SLC44A5: variants seen among roughly 807,000 people sequenced by gnomAD.
SLC44A5 encodes the protein solute carrier family 44 member 5, also known as choline transporter-like protein 5.
A neutral mutation model predicts 101.8 loss-of-function variants in SLC44A5; 57 were observed. The observed-to-expected ratio is 0.56, with a 90% CI of 0.45 to 0.70. The LOEUF is 0.70. Ranked by LOEUF, SLC44A5 falls within the 30% of genes least tolerant of loss-of-function variation. The pLI is 0.00. For synonymous variants in SLC44A5, 281 were observed against 290.9 expected, an observed-to-expected ratio of 0.97 and a Z score of 0.35; for missense variants, 737 against 853.1, an observed-to-expected ratio of 0.86 and a Z score of 1.70.
chr1:75,573,113 G>C (rs151121353), intron 1 of SLC44A5, among the ~76,000 whole-genome samples: 3 of 98,902 alleles, frequency 3.0e-5, no homozygotes, highest in Admixed American at 1.6e-4. Flanking sequence ...GAGCGACAGA[G>C]CAAGGCTCCA....
chr1:75,529,474 G>T (rs1053954672), intron 2 of SLC44A5, among the ~76,000 whole-genome samples: 5 of 152,108 alleles, frequency 3.3e-5, no homozygotes, highest in Admixed American at 6.5e-5. Flanking sequence ...AACCTTCCAG[G>T]TTCTACTCTA....
the SLC44A5 span, among the ~76,000 whole-genome samples, chr1:75,654,344 A>G: frequency 1.3e-5 from 2 of 152,348 alleles, no homozygotes; most frequent in African/African-American, 2.4e-5. Flanking sequence ...AAATTGTTCA[A>G]TGTTTCAGAA....
chr1:75,693,764 A>G, the SLC44A5 span, among the ~76,000 whole-genome samples: 14 of 152,170 alleles, frequency 9.2e-5, no homozygotes, highest in African/African-American at 3.4e-4. Context: ...AGGAAGTGGG[A>G]TATCCTGAAA....
intron 2 of SLC44A5, among the ~76,000 whole-genome samples, chr1:75,468,886 T>A (rs1441276814): frequency 1.3e-5 from 2 of 152,180 alleles, no homozygotes; most frequent in African/African-American, 4.8e-5. Context: ...CCATTTTACA[T>A]GATGTGATTA....
chr1:75,639,240 C>T, the SLC44A5 span, among the ~76,000 whole-genome samples: 1 of 152,050 alleles, frequency 6.6e-6, no homozygotes, highest in South Asian at 2.1e-4. Flanking sequence ...TGAGGTAATG[C>T]ATACGTTAAT....
chr1:75,280,045 T>C (rs938184387), intron 5 of SLC44A5, among the ~76,000 whole-genome samples: 3 of 148,266 alleles, frequency 2.0e-5, no homozygotes, highest in Non-Finnish European at 4.4e-5. Context: ...AATGATGGTC[T>C]CCAGTTCCAT....
rs115730511 is a variant in SLC44A5, at chr1:75,289,613, G to A, written c.175+10999C>T. On this transcript the variant is annotated intron_variant, in intron 5 of 23. Transcript: ENST00000370859. ...AATATATTAACTTCTGATGCCAATA[G>A]GCATGTGTTAAAGAAACACATACAT... Among the ~76,000 whole-genome samples the A allele has an allele frequency of 2.1e-3, 325 of 152,130 alleles. 1 individual carries two copies. The highest frequency in any genetic ancestry group is 7.4e-3 in the African/African-American group (307 of 41,460).
rs1328411956 is a variant in SLC44A5 at position 75,219,323 on chromosome 1, T to C, written c.1200A>G (p.Val400=). The C allele has an allele frequency of 6.2e-7, 1 of 1,612,854 alleles. No individual in the cohort carries two copies. The highest frequency in any genetic ancestry group is 8.5e-7 in the Non-Finnish European group (1 of 1,178,990). The change falls in exon 16 of 24, where the codon GTA becomes GTG. Residue 400 remains valine, a synonymous_variant. Coordinates refer to ENST00000370859, the MANE Select transcript of SLC44A5 (RefSeq NM_001130058.2). ...VTAVFLATSG[V]PVYKVIAPGG... is the part of the protein sequence containing the mutation. ...CTGGAGCTATGACTTTGTATACAGGTACCCCCGATGTCGCCAAGAAACTGA... is the reference window on the plus strand; with the variant it reads ...CTGGAGCTATGACTTTGTATACAGGCACCCCCGATGTCGCCAAGAAACTGA...
At chr1:75,409,680 A>T (rs931658953) in intron 2 of SLC44A5, among the ~76,000 whole-genome samples, 40 of 152,120 alleles carry the variant, frequency 2.6e-4, no homozygotes, top group African/African-American at 9.2e-4. Flanking sequence ...AAAATTATTG[A>T]TATTTCAGGA....
chr1:75,680,551 C>T, the SLC44A5 span, among the ~76,000 whole-genome samples: 1 of 151,308 alleles, frequency 6.6e-6, no homozygotes, highest in Non-Finnish European at 1.5e-5. Flanking sequence ...TAAAGATGTT[C>T]TTTGAAACCA....
intron 4 of SLC44A5, chr1:75,311,652 CGTT>C (rs1474858730): frequency 1.4e-6 from 1 of 726,562 alleles, no homozygotes; most frequent in Non-Finnish European, 1.7e-6. Flanking sequence ...TGCTATGAAA[CGTT>C]GGTGAACCAC....
At position 75,611,062 on chromosome 1, in the gene SLC44A5, A is replaced by G. The variant is rs1675635223; in HGVS notation, c.-92T>C. The G allele has an allele frequency of 1.0e-6, 1 of 985,354 alleles. No individual in the cohort carries two copies. The highest frequency in any genetic ancestry group is 1.2e-6 in the Non-Finnish European group (1 of 829,898). The allele number at this position is 985,354 out of a possible 1,614,324, so 61.0% of individuals were successfully genotyped here. A position where few individuals can be genotyped will look rare whatever the true frequency, so the allele number is the denominator to read the frequency against. On this transcript the variant is annotated 5_prime_UTR_variant, in exon 1 of 24. Coordinates refer to ENST00000370859, the MANE Select transcript of SLC44A5 (RefSeq NM_001130058.2). ...CACCTCTTACTCCATCATTTCTTCA[A>G]TAACTCCATCAACACTGAACCTTCT...
intron 5 of SLC44A5, among the ~76,000 whole-genome samples, chr1:75,290,855 AT>A (rs1653483822): frequency 6.6e-6 from 1 of 152,234 alleles, no homozygotes; most frequent in African/African-American, 2.4e-5. Context: ...CATTTAAAAA[AT>A]ATATAAGGTT....
chr1:75,516,347 T>C (rs1270236313), intron 2 of SLC44A5, among the ~76,000 whole-genome samples: 1 of 152,026 alleles, frequency 6.6e-6, no homozygotes, highest in African/African-American at 2.4e-5. Context: ...ACCCTGTCTC[T>C]ACTAAAAATA....
intron 2 of SLC44A5, among the ~76,000 whole-genome samples, chr1:75,406,350 T>C (rs200653788): frequency 6.6e-6 from 1 of 152,210 alleles, no homozygotes; most frequent in Admixed American, 6.5e-5. Context: ...GAATCCTCTG[T>C]AACTCATTTT....
chr1:75,302,123 T>TG (rs1654527612), intron 4 of SLC44A5, among the ~76,000 whole-genome samples: 1 of 139,762 alleles, frequency 7.2e-6, no homozygotes, highest in Non-Finnish European at 1.5e-5. Context: ...TTTTTTTTTT[T>TG]TTTTTTTTTT....
chr1:75,684,458 A>G, the SLC44A5 span, among the ~76,000 whole-genome samples: 1 of 152,166 alleles, frequency 6.6e-6, no homozygotes, highest in Non-Finnish European at 1.5e-5. Flanking sequence ...CTAGGAGCCC[A>G]TGAAATCAAA....
chr1:75,670,754 C>A, the SLC44A5 span, among the ~76,000 whole-genome samples: 1 of 152,138 alleles, frequency 6.6e-6, no homozygotes, highest in Non-Finnish European at 1.5e-5. Context: ...AGAAACCACA[C>A]CCCCTCTTCA....
Position 75,203,701 on chromosome 1 carries a change from A to G in SLC44A5, c.*26T>C. The G allele has an allele frequency of 1.3e-6, 2 of 1,536,722 alleles. No homozygotes were observed. The highest frequency in any genetic ancestry group is 1.8e-6 in the Non-Finnish European group (2 of 1,140,886). Reference sequence around the variant, plus strand: ...AGCAGATGGAGAAAAGGTAACACACAGCTGTAGGACGACCAGTTTGCTCTT... The same window carrying G: ...AGCAGATGGAGAAAAGGTAACACACGGCTGTAGGACGACCAGTTTGCTCTT... On this transcript the variant is annotated 3_prime_UTR_variant, in exon 24 of 24. Transcript: ENST00000370859.
Sources: gnomAD v4.1 joint callset for allele counts (sites outside exome capture counted in the v4.1 genomes callset) on GRCh38, gnomAD v4.1.1 for gene constraint, MANE v1.5 for transcripts, NCBI Gene and HGNC (gene_info 2026-07-23, HGNC 2026-07-21) for gene names.